ANO1: variants seen among roughly 807,000 people sequenced by gnomAD.
ANO1 encodes the protein anoctamin-1.
A neutral mutation model predicts 124.0 loss-of-function variants in ANO1; 59 were observed. That is an observed-to-expected ratio of 0.48 (90% confidence interval 0.39 to 0.59). The LOEUF is 0.59. Ranked by LOEUF, ANO1 falls within the 20% of genes least tolerant of loss-of-function variation. ANO1 has a pLI of 0.00. For synonymous variants in ANO1, 529 were observed against 532.0 expected, an observed-to-expected ratio of 0.99 and a Z score of 0.08; for missense variants, 1,059 against 1,328.0, an observed-to-expected ratio of 0.80 and a Z score of 3.15.
At chr11:70,126,449 C>T (rs890485602) in intron 10 of ANO1, among the ~76,000 whole-genome samples, 1 of 152,236 alleles carries the variant, frequency 6.6e-6, no homozygotes, top group Non-Finnish European at 1.5e-5. Context: ...AAACATCTGA[C>T]CATTTTCATT....
At chr11:69,997,258 T>G (rs1310312131) in intron 1 of ANO1, among the ~76,000 whole-genome samples, 1 of 152,230 alleles carries the variant, frequency 6.6e-6, no homozygotes, top group Non-Finnish European at 1.5e-5. Flanking sequence ...AAACATTACC[T>G]TGCCCTGTCC....
Position 70,165,633 on chromosome 11 carries a change from G to A in ANO1, c.2051+63G>A, listed in dbSNP as rs577083426. The A allele has an allele frequency of 4.5e-5, 63 of 1,387,810 alleles. No homozygotes were observed. In the African/African-American group the frequency reaches 8.4e-4, roughly 19 times the overall value. 86.0% of individuals were successfully genotyped at this position (1,387,810 alleles called of 1,614,324 possible). A position where few individuals can be genotyped will look rare whatever the true frequency, so the allele number is the denominator to read the frequency against. On this transcript the variant is annotated intron_variant, in intron 20 of 25. Transcript: ENST00000355303. The stretch of plus-strand genomic sequence containing the variant: ...GGCCAGGCGGAGGGGTGTGTGGGTG[G>A]CTCCTGCGGGGGTCTGGGTGGACGC...
chr11:70,023,525 C>G (rs1856840993), intron 1 of ANO1, among the ~76,000 whole-genome samples: 1 of 152,172 alleles, frequency 6.6e-6, no homozygotes, highest in Non-Finnish European at 1.5e-5. Flanking sequence ...GGGGCACTTT[C>G]TTTACTTCTA....
intron 1 of ANO1, among the ~76,000 whole-genome samples, chr11:70,032,707 G>A (rs782177327): frequency 2.3e-4 from 35 of 152,154 alleles, no homozygotes; most frequent in Non-Finnish European, 4.0e-4. Context: ...GGGTCCTTGC[G>A]CTGATTTAAC....
intron 11 of ANO1, among the ~76,000 whole-genome samples, chr11:70,136,019 A>T (rs1300504304): frequency 6.6e-6 from 1 of 151,792 alleles, no homozygotes; most frequent in African/African-American, 2.4e-5. Context: ...CTCCCCCCAG[A>T]CCTCCCTCCT....
chr11:70,063,989 A>T (rs1857657672), intron 1 of ANO1: 1 of 152,148 alleles, frequency 6.6e-6, no homozygotes, highest in South Asian at 2.1e-4. Context: ...GCCCGCCAAC[A>T]TCATTTTTTC....
chr11:70,148,765 C>T (rs193072986), intron 11 of ANO1, among the ~76,000 whole-genome samples: 9 of 152,338 alleles, frequency 5.9e-5, no homozygotes, highest in Non-Finnish European at 1.3e-4. Flanking sequence ...CCTGTCTGTC[C>T]CAGGCACCTC....
chr11:69,994,328 G>A (rs1396292121), intron 1 of ANO1, among the ~76,000 whole-genome samples: 1 of 151,968 alleles, frequency 6.6e-6, no homozygotes, highest in Non-Finnish European at 1.5e-5. Flanking sequence ...GTGTGAATTG[G>A]TGTGTTCATT....
At chr11:70,125,978 C>T in intron 9 of ANO1, 83 bp from the exon 10 acceptor site, 1 of 1,492,314 alleles carries the variant, frequency 6.7e-7, no homozygotes, top group Non-Finnish European at 9.0e-7. Flanking sequence ...TTGAGTTGCT[C>T]TTGCTGGGGA....
intron 1 of ANO1, among the ~76,000 whole-genome samples, chr11:69,991,384 G>A (rs1856151560): frequency 6.6e-6 from 1 of 152,170 alleles, no homozygotes; most frequent in African/African-American, 2.4e-5. Flanking sequence ...CAGACTCAAT[G>A]TTAACCCCAA....
chr11:70,168,334 C>T (rs540014171), intron 21 of ANO1, among the ~76,000 whole-genome samples: 2 of 152,182 alleles, frequency 1.3e-5, no homozygotes, highest in African/African-American at 2.4e-5. Context: ...CTCCCAGGCT[C>T]TACTCAGAAT....
chr11:70,070,974 G>A (rs12419702), intron 1 of ANO1, among the ~76,000 whole-genome samples: 1 of 152,038 alleles, frequency 6.6e-6, no homozygotes, highest in South Asian at 2.1e-4. Flanking sequence ...TTACCCAACC[G>A]CATCGCTTCC....
chr11:70,112,417 A>T (rs2045819858), intron 7 of ANO1, among the ~76,000 whole-genome samples: 1 of 152,190 alleles, frequency 6.6e-6, no homozygotes, highest in Non-Finnish European at 1.5e-5. Flanking sequence ...GGGACTAAGG[A>T]GACCCAGATT....
intron 11 of ANO1, among the ~76,000 whole-genome samples, chr11:70,149,113 G>A (rs939944019): frequency 6.6e-6 from 1 of 152,134 alleles, no homozygotes; most frequent in African/African-American, 2.4e-5. Flanking sequence ...CCGAACCGGG[G>A]CCCCCGAGAG....
chr11:69,972,948 T>A, the ANO1 span, among the ~76,000 whole-genome samples: 1 of 151,364 alleles, frequency 6.6e-6, no homozygotes, highest in Admixed American at 6.6e-5. Flanking sequence ...TCGCTCTTGT[T>A]GCCCAGGCTG....
intron 12 of ANO1, 75 bp downstream of exon 12, chr11:70,149,867 A>C (rs1440889751): frequency 6.6e-7 from 1 of 1,508,842 alleles, no homozygotes; most frequent in Non-Finnish European, 9.1e-7. Context: ...CTTGGGACTT[A>C]CACGGAGGCC....
intron 24 of ANO1, among the ~76,000 whole-genome samples, chr11:70,182,952 T>A (rs11501740): frequency 4.6e-5 from 7 of 152,110 alleles, no homozygotes; most frequent in East Asian, 1.9e-4. Context: ...CTACAAAAAA[T>A]TTTTTAAATA....
At chr11:70,172,772 A>C (rs916193434) in intron 22 of ANO1, among the ~76,000 whole-genome samples, 1 of 152,050 alleles carries the variant, frequency 6.6e-6, no homozygotes, top group African/African-American at 2.4e-5. Flanking sequence ...AGGCTGAGGC[A>C]GGAGAATTCC....
chr11:70,022,003 C>T (rs1555002673), intron 1 of ANO1, among the ~76,000 whole-genome samples: 1 of 152,192 alleles, frequency 6.6e-6, no homozygotes, highest in Non-Finnish European at 1.5e-5. Flanking sequence ...TCAGATCAGA[C>T]CCAAACTGAG....
Sources: allele counts gnomAD v4.1 joint callset (sites outside exome capture counted in the v4.1 genomes callset), GRCh38; gene constraint gnomAD v4.1.1; transcripts MANE v1.5; gene names NCBI Gene and HGNC (gene_info 2026-07-23, HGNC 2026-07-21).